The following ZNF98 variants were observed in gnomAD, a reference collection of about 807,000 sequenced individuals.
ZNF98 encodes zinc finger protein 98.
ZNF98 carries 8 observed loss-of-function variants against 12.8 expected under a neutral mutation model. The ratio of observed to expected loss-of-function variants is 0.63; its 90% CI spans 0.37 to 1.13. ZNF98 has a LOEUF of 1.13. Among genes scored for constraint, ZNF98 ranks in the 50% most tolerant of loss-of-function variants. The pLI is 0.01. For synonymous variants in ZNF98, 112 were observed against 223.5 expected (o/e 0.50, Z 4.45); for missense variants, 379 against 666.1 (o/e 0.57, Z 4.74).
Position 22,391,626 on chromosome 19 carries a change from T to A in ZNF98, c.1609A>T (p.Lys537Ter). 6.2e-7 allele frequency: 1 copy of A among 1,613,680 alleles called. No individual in the cohort carries two copies. Among genetic ancestry groups the A allele is most frequent in the South Asian group, 1.1e-5 (1 of 91,036 alleles). Reference protein sequence around the residue: ...FNNSSILNRHKMIHTGEKLYK... With the variant: ...FNNSSILNRH ...AGTTTCTCTCCAGTATGAATCATCT[T>A]ATGTCTGTTAAGAATAGAGGAGTTG... The change falls in exon 4 of 4, where the codon AAG becomes TAG. Residue 537 changes from lysine to a stop codon, truncating the protein, a stop_gained. Coordinates refer to ENST00000357774, the MANE Select transcript of ZNF98 (RefSeq NM_001098626.2). LOFTEE classifies it low-confidence loss of function (END_TRUNC).
At chr19:22,410,081 A>G (rs1251737581) in intron 1 of ZNF98, among the ~76,000 whole-genome samples, 1 of 152,286 alleles carries the variant, frequency 6.6e-6, no homozygotes, top group East Asian at 1.9e-4. Flanking sequence ...CAGAATGGTA[A>G]TTATTAAAAA....
At chr19:22,394,760 T>TGCA (rs1441597720) in intron 3 of ZNF98, among the ~76,000 whole-genome samples, 1 of 152,084 alleles carries the variant, frequency 6.6e-6, no homozygotes, top group Non-Finnish European at 1.5e-5. Flanking sequence ...AACTGCACGC[T>TGCA]GGGCACATGT....
At chr19:22,413,842 C>G (rs1329275769) in intron 1 of ZNF98, among the ~76,000 whole-genome samples, 2 of 125,902 alleles carry the variant, frequency 1.6e-5, no homozygotes, top group Non-Finnish European at 3.2e-5. Context: ...GCACTCCAAC[C>G]TGGGCAAAAA....
intron 2 of ZNF98, 23 bp from the exon 3 acceptor site, chr19:22,402,907 A>G (rs762317358): frequency 5.2e-6 from 8 of 1,548,170 alleles, no homozygotes; most frequent in Non-Finnish European, 5.2e-6. Context: ...AAATAACATG[A>G]ATCTTGCTCA....
At chr19:22,415,993 A>ACACACACACACT (rs1360254701) in intron 1 of ZNF98, among the ~76,000 whole-genome samples, 1 of 144,322 alleles carries the variant, frequency 6.9e-6, no homozygotes, top group Non-Finnish European at 1.5e-5. Flanking sequence ...ACACACACAC[A>ACACACACACACT]CTTAGCTGGG....
chr19:22,391,415 C>T lies in ZNF98; in HGVS notation c.*101G>A. ...AGGTTTGAGCATTGTGTAAGTTTTG[C>T]CACACTGTTCACACTTGTAGAAGTT... On this transcript the variant is annotated 3_prime_UTR_variant, in exon 4 of 4. Coordinates refer to ENST00000357774, the MANE Select transcript of ZNF98 (RefSeq NM_001098626.2). 2.0e-6 allele frequency: 3 copies of T among 1,492,132 alleles called. No homozygotes were observed. Among genetic ancestry groups the T allele is most frequent in the African/African-American group, 1.4e-5 (1 of 71,116 alleles). The allele number at this position is 1,492,132 out of a possible 1,614,324, so 92.4% of individuals were successfully genotyped here. A position where few individuals can be genotyped will look rare whatever the true frequency, so the allele number is the denominator to read the frequency against.
intron 3 of ZNF98, among the ~76,000 whole-genome samples, chr19:22,400,399 T>A (rs187508071): frequency 0.019 from 2,835 of 152,138 alleles, 78 homozygotes; most frequent in African/African-American, 0.065. Context: ...AAGCCTACCA[T>A]ATGCAGACCC....
intron 2 of ZNF98, among the ~76,000 whole-genome samples, chr19:22,403,117 G>A (rs1969477921): frequency 6.6e-6 from 1 of 151,516 alleles, no homozygotes; most frequent in South Asian, 2.1e-4. Flanking sequence ...TTAAGATGTG[G>A]GCAACAGTAT....
intron 1 of ZNF98, among the ~76,000 whole-genome samples, chr19:22,417,071 A>T (rs938959516): frequency 1.3e-5 from 2 of 152,040 alleles, no homozygotes; most frequent in African/African-American, 4.8e-5. Context: ...CTCTATTAAA[A>T]ATACAAAATT....
intron 1 of ZNF98, among the ~76,000 whole-genome samples, chr19:22,415,052 T>C (rs527530252): frequency 1.3e-5 from 2 of 152,140 alleles, no homozygotes; most frequent in East Asian, 3.9e-4. Flanking sequence ...AAGGCCTCAC[T>C]AAATGGTAGA....
At chr19:22,420,365 GTTT>G (rs949652026) in intron 1 of ZNF98, among the ~76,000 whole-genome samples, 2 of 151,808 alleles carry the variant, frequency 1.3e-5, no homozygotes, top group Admixed American at 6.6e-5. Flanking sequence ...CTGAAGTCAG[GTTT>G]TTTTTCTTTC....
intron 1 of ZNF98, among the ~76,000 whole-genome samples, chr19:22,417,500 G>A (rs1378379489): frequency 6.6e-6 from 1 of 152,124 alleles, no homozygotes; most frequent in Non-Finnish European, 1.5e-5. Context: ...AAATCTATGA[G>A]TGGGAAACAG....
intron 1 of ZNF98, among the ~76,000 whole-genome samples, chr19:22,403,868 A>G (rs1969489271): frequency 6.6e-6 from 1 of 152,266 alleles, no homozygotes; most frequent in South Asian, 2.1e-4. Context: ...GTTAGAAAAT[A>G]CTGCTCACAT....
At chr19:22,408,577 T>C (rs563292445) in intron 1 of ZNF98, among the ~76,000 whole-genome samples, 39 of 152,216 alleles carry the variant, frequency 2.6e-4, no homozygotes, top group Middle Eastern at 3.2e-3. Context: ...CGTAAGCTGA[T>C]AAGTGACTTC....
intron 1 of ZNF98, among the ~76,000 whole-genome samples, chr19:22,413,034 C>A (rs1235512697): frequency 6.6e-6 from 1 of 151,694 alleles, no homozygotes; most frequent in Non-Finnish European, 1.5e-5. Flanking sequence ...GCCTGGGTGA[C>A]AGAGCGAGAC....
intron 3 of ZNF98, 40 bp from the exon 4 acceptor site, chr19:22,393,021 A>G: frequency 7.0e-7 from 1 of 1,438,088 alleles, no homozygotes; most frequent in South Asian, 1.7e-5. Flanking sequence ...CACTTACTAG[A>G]CTCAGATGAA....
intron 3 of ZNF98, 144 bp from the exon 4 acceptor site, chr19:22,393,125 T>C: frequency 1.1e-6 from 1 of 919,486 alleles, no homozygotes; most frequent in Non-Finnish European, 1.5e-6. Flanking sequence ...CACAGACATA[T>C]AAAAGCATAC....
At chr19:22,409,913 CAAAAAAA>C (rs71180546) in intron 1 of ZNF98, among the ~76,000 whole-genome samples, 53 of 89,404 alleles carry the variant, frequency 5.9e-4, no homozygotes, top group East Asian at 1.7e-3. Flanking sequence ...CTCTATCTCA[CAAAAAAA>C]AAAAAAAAAA....
intron 1 of ZNF98, among the ~76,000 whole-genome samples, chr19:22,411,131 C>G (rs1215241693): frequency 2.0e-5 from 3 of 152,146 alleles, no homozygotes; most frequent in Non-Finnish European, 4.4e-5. Flanking sequence ...CAACCTCTGC[C>G]TCCCAGGTTC....
Sources: allele counts gnomAD v4.1 joint callset (sites outside exome capture counted in the v4.1 genomes callset), GRCh38; gene constraint gnomAD v4.1.1; transcripts MANE v1.5; gene names NCBI Gene and HGNC (gene_info 2026-07-23, HGNC 2026-07-21).